The following TCF7L2 variants were observed in gnomAD, a reference collection of about 807,000 sequenced individuals.
The protein encoded by TCF7L2 is transcription factor 7 like 2, also known as transcription factor 7-like 2.
Under a neutral mutation model 77.9 loss-of-function variants are expected in TCF7L2, and 23 were observed. The ratio of observed to expected loss-of-function variants is 0.30; its 90% CI spans 0.21 to 0.42. The LOEUF is 0.42. Ranked by LOEUF, TCF7L2 falls within the 10% of genes least tolerant of loss-of-function variation. The pLI is 1.00. For missense variants in TCF7L2, 654 were observed against 793.1 expected, an observed-to-expected ratio of 0.82 and a Z score of 2.11; for synonymous variants, 413 against 340.2, an observed-to-expected ratio of 1.21 and a Z score of -2.36.
chr10:113,113,549 G>A (rs962948699), intron 5 of TCF7L2, among the ~76,000 whole-genome samples: 1 of 152,190 alleles, frequency 6.6e-6, no homozygotes, highest in Admixed American at 6.5e-5. Flanking sequence ...AGAAGGAGAT[G>A]TGAGGCATTT....
At chr10:112,969,017 G>C (rs938228021) in intron 4 of TCF7L2, among the ~76,000 whole-genome samples, 1 of 152,174 alleles carries the variant, frequency 6.6e-6, no homozygotes, top group African/African-American at 2.4e-5. Context: ...TCCTTGTTGT[G>C]TCTCAGTAAA....
Position 113,167,429 on chromosome 10 carries a change from G to A in TCF7L2, c.*1457G>A, listed in dbSNP as rs2074086188. 1 of 224,688 alleles carries A rather than the reference G, an allele frequency of 4.5e-6. No homozygotes were observed. The highest frequency in any genetic ancestry group is 1.8e-4 in the South Asian group (1 of 5,464). The allele number at this position is 224,688 out of a possible 1,614,324, so 13.9% of individuals were successfully genotyped here. ...CTGTTCATTCAGTGCCATTGTAGTTGACATGAAGCGATTGTAAAACTGTCT... is the reference window on the plus strand; with the variant it reads ...CTGTTCATTCAGTGCCATTGTAGTTAACATGAAGCGATTGTAAAACTGTCT... On this transcript the variant is annotated 3_prime_UTR_variant, in exon 14 of 14. Coordinates refer to ENST00000627217, the MANE Select transcript of TCF7L2 (RefSeq NM_001146274.2).
intron 5 of TCF7L2, among the ~76,000 whole-genome samples, chr10:113,079,298 G>T (rs2059064540): frequency 6.6e-6 from 1 of 152,092 alleles, no homozygotes; most frequent in Admixed American, 6.6e-5. Flanking sequence ...AATTTGTTTT[G>T]TCCCGATTTG....
chr10:112,964,538 T>A lies in TCF7L2; in HGVS notation c.382-18T>A. ...TTGTGACATAAGCAGAACGCTTTGA[T>A]TTGGTTTCTTTCTACAGCTCCATTT... On this transcript the variant is annotated intron_variant, in intron 3 of 13. Coordinates refer to ENST00000627217, the MANE Select transcript of TCF7L2 (RefSeq NM_001146274.2). The A allele has an allele frequency of 6.2e-7, 1 of 1,611,390 alleles. No individual in the cohort carries two copies.
At chr10:113,046,109 C>G (rs572660392) in intron 5 of TCF7L2, among the ~76,000 whole-genome samples, 160 of 152,240 alleles carry the variant, frequency 1.1e-3, no homozygotes, top group African/African-American at 3.6e-3. Context: ...GTCAGATGTC[C>G]AAAGCTTCCT....
At chr10:113,157,926 T>C (rs770758112) in intron 11 of TCF7L2, 95 bp from the exon 12 acceptor site, 7 of 1,306,026 alleles carry the variant, frequency 5.4e-6, no homozygotes, top group Non-Finnish European at 6.4e-6. Context: ...GGCAGTATGG[T>C]CACTTCCTCC....
At chr10:113,016,702 A>T (rs1303610044) in intron 4 of TCF7L2, among the ~76,000 whole-genome samples, 1 of 151,332 alleles carries the variant, frequency 6.6e-6, no homozygotes, top group Non-Finnish European at 1.5e-5. Flanking sequence ...CTGCTGGTGG[A>T]GAGGGAGGAA....
At chr10:113,163,688 T>C (rs1003839397) in intron 13 of TCF7L2, among the ~76,000 whole-genome samples, 1 of 151,996 alleles carries the variant, frequency 6.6e-6, no homozygotes, top group African/African-American at 2.4e-5. Context: ...CCTTGCCAAA[T>C]TGAGGGTGAG....
At chr10:112,955,940 C>G (rs952602327) in intron 3 of TCF7L2, among the ~76,000 whole-genome samples, 1 of 151,252 alleles carries the variant, frequency 6.6e-6, no homozygotes, top group African/African-American at 2.4e-5. Context: ...CGAATGCCTC[C>G]TTACATCCCA....
Position 113,087,621 on chromosome 10 carries a change from C to A in TCF7L2, c.552+47495C>A, listed in dbSNP as rs117087132. Among the ~76,000 whole-genome samples the A allele has an allele frequency of 1.4e-3, 214 of 152,338 alleles. 1 individual carries two copies. Among genetic ancestry groups the A allele is most frequent in the African/African-American group, 4.9e-3 (202 of 41,592 alleles). On this transcript the variant is annotated intron_variant, in intron 5 of 13. Coordinates refer to ENST00000627217, the MANE Select transcript of TCF7L2 (RefSeq NM_001146274.2). ...AGAGTGGGAGGCTCTGCTTGCCAGA[C>A]GGAGACCTTAGACCTCCAGGGGTGG...
chr10:113,103,008 A>G (rs1191286081), intron 5 of TCF7L2, among the ~76,000 whole-genome samples: 1 of 152,210 alleles, frequency 6.6e-6, no homozygotes, highest in African/African-American at 2.4e-5. Context: ...TGGTTTTCAT[A>G]TATTAACTCA....
At chr10:113,063,469 G>C (rs140877310) in intron 5 of TCF7L2, among the ~76,000 whole-genome samples, 1 of 152,214 alleles carries the variant, frequency 6.6e-6, no homozygotes, top group African/African-American at 2.4e-5. Flanking sequence ...GATTGTGGTG[G>C]CCCTGGAATG....
intron 4 of TCF7L2, 90 bp downstream of exon 4, chr10:112,964,714 AATGATG>A (rs982801293): frequency 2.7e-5 from 26 of 950,066 alleles, no homozygotes; most frequent in African/African-American, 4.1e-5. Context: ...CAACTGAGAT[AATGATG>A]ATGATGATGA....
intron 5 of TCF7L2, among the ~76,000 whole-genome samples, chr10:113,121,953 G>A (rs868084489): frequency 6.6e-6 from 1 of 152,138 alleles, no homozygotes; most frequent in Non-Finnish European, 1.5e-5. Flanking sequence ...TGTAATACAC[G>A]GATTCGGAAC....
At chr10:112,978,878 A>G (rs938878019) in intron 4 of TCF7L2, among the ~76,000 whole-genome samples, 1 of 152,132 alleles carries the variant, frequency 6.6e-6, no homozygotes, top group African/African-American at 2.4e-5. Flanking sequence ...CATGTGCACA[A>G]CGTGCAGGTT....
chr10:112,951,974 G>T, intron 3 of TCF7L2: 1 of 152,102 alleles, frequency 6.6e-6, no homozygotes, highest in Non-Finnish European at 1.5e-5. Flanking sequence ...CTTCACCCTG[G>T]GAAGATGACT....
intron 4 of TCF7L2, among the ~76,000 whole-genome samples, chr10:113,002,466 G>A (rs907178939): frequency 6.6e-6 from 1 of 152,150 alleles, no homozygotes. Flanking sequence ...GCAATGCCCA[G>A]GACAGCCCCC....
At chr10:113,088,944 A>G (rs956123058) in intron 5 of TCF7L2, among the ~76,000 whole-genome samples, 1 of 152,060 alleles carries the variant, frequency 6.6e-6, no homozygotes, top group African/African-American at 2.4e-5. Flanking sequence ...TCTCTTAGAA[A>G]AAAAAAAAAA....
intron 11 of TCF7L2, among the ~76,000 whole-genome samples, chr10:113,152,953 G>T (rs2071072967): frequency 6.6e-6 from 1 of 152,192 alleles, no homozygotes; most frequent in Non-Finnish European, 1.5e-5. Context: ...GAAGTTAGAA[G>T]CCTATTTCAT....
Sources: gnomAD v4.1 joint callset for allele counts (sites outside exome capture counted in the v4.1 genomes callset) on GRCh38, gnomAD v4.1.1 for gene constraint, MANE v1.5 for transcripts, NCBI Gene and HGNC (gene_info 2026-07-23, HGNC 2026-07-21) for gene names.